Variants in HSP90AB1 observed in about 807,000 individuals in gnomAD.
The protein encoded by HSP90AB1 is heat shock protein HSP 90-beta.
A neutral mutation model predicts 67.8 loss-of-function variants in HSP90AB1; 17 were observed. That is an observed-to-expected ratio of 0.25 (90% CI 0.17 to 0.38). The LOEUF is 0.38. Among genes scored for constraint, HSP90AB1 ranks in the 10% least tolerant of loss-of-function variants. HSP90AB1 has a pLI of 1.00. For missense variants in HSP90AB1, 690 were observed against 899.9 expected (o/e 0.77, Z 2.98); for synonymous variants, 390 against 312.9 (o/e 1.25, Z -2.60).
chr6:44,252,379 C>G, intron 10 of HSP90AB1, 112 bp downstream of exon 10: 1 of 948,752 alleles, frequency 1.1e-6, no homozygotes, highest in Non-Finnish European at 1.6e-6. Flanking sequence ...CTGTTTCATG[C>G]CTTCTTGCCT....
In HSP90AB1 at chr6:44,249,770, C is replaced by T. The variant is rs560978430; in HGVS notation, c.450C>T (p.Asn150=). Residue 150 remains asparagine, a synonymous_variant, in exon 4 of 12, where the codon AAC becomes AAT. Coordinates refer to ENST00000371646, the MANE Select transcript of HSP90AB1 (RefSeq NM_007355.4). ...AAGTGGTTGTGATCACAAAGCACAA[C>T]GATGATGAACAGTATGCTTGGGAGT... ...AEKVVVITKH[N]DDEQYAWESS... is the part of the protein sequence containing the mutation. 1.9e-6 allele frequency: 3 copies of T among 1,613,922 alleles called. No individual in the cohort carries two copies. The highest frequency in any genetic ancestry group is 2.2e-5 in the South Asian group (2 of 91,076).
intron 2 of HSP90AB1, among the ~76,000 whole-genome samples, chr6:44,249,054 G>A (rs972169420): frequency 6.6e-6 from 1 of 152,152 alleles, no homozygotes; most frequent in Non-Finnish European, 1.5e-5. Context: ...TTGAAGATAC[G>A]GGCTTTAAGA....
chr6:44,248,584 A>G (rs1328869061), intron 1 of HSP90AB1, 46 bp from the exon 2 acceptor site: 2 of 1,571,816 alleles, frequency 1.3e-6, no homozygotes, highest in Non-Finnish European at 1.7e-6. Context: ...ATTTTTAAAC[A>G]TGGGGCCTTA....
In HSP90AB1 at chr6:44,253,824, TTTC is replaced by T; in HGVS notation, c.*230_*232del. The T allele has an allele frequency of 1.3e-6, 1 of 755,646 alleles. No individual in the cohort carries two copies. Among genetic ancestry groups the T allele is most frequent in the Non-Finnish European group, 2.5e-6 (1 of 403,312 alleles). The allele number at this position is 755,646 out of a possible 1,614,324, so 46.8% of individuals were successfully genotyped here. A position where few individuals can be genotyped will look rare whatever the true frequency, so the allele number is the denominator to read the frequency against. On this transcript the variant is annotated 3_prime_UTR_variant, in exon 12 of 12. Coordinates refer to ENST00000371646, the MANE Select transcript of HSP90AB1 (RefSeq NM_007355.4). ...TGTTGTGTATTGTGGTTTATTTTAT[TTTC>T]TTCATTTTGTTCTGAAATTAAAGTA...
chr6:44,249,843 G>A lies in HSP90AB1; in HGVS notation c.514+9G>A, dbSNP rs766284895. The A allele has an allele frequency of 1.2e-6, 2 of 1,601,472 alleles. No homozygotes were observed. Among genetic ancestry groups the A allele is most frequent in the African/African-American group, 2.7e-5 (2 of 74,332 alleles). On this transcript the variant is annotated intron_variant, in intron 4 of 11. Coordinates refer to ENST00000371646, the MANE Select transcript of HSP90AB1 (RefSeq NM_007355.4). ...TGTGCGTGCTGACCATGGTAAGTTAGCTTTTCTGTTACAAGGTAGTTGGGT... is the reference window on the plus strand; with the variant it reads ...TGTGCGTGCTGACCATGGTAAGTTAACTTTTCTGTTACAAGGTAGTTGGGT...
At chr6:44,249,273 A>G (rs866248298) in intron 2 of HSP90AB1, 104 bp from the exon 3 acceptor site, 1 of 922,358 alleles carries the variant, frequency 1.1e-6, no homozygotes. Flanking sequence ...TGGGAGGTCA[A>G]GGCTGCAGTG....
chr6:44,250,947 C>G, intron 6 of HSP90AB1, 101 bp from the exon 7 acceptor site: 1 of 1,057,438 alleles, frequency 9.5e-7, no homozygotes, highest in Non-Finnish European at 1.5e-6. Flanking sequence ...TGCTCTATCC[C>G]TTAGGCTTAG....
intron 8 of HSP90AB1, 34 bp from the exon 9 acceptor site, chr6:44,251,703 A>C (rs765009851): frequency 1.2e-5 from 19 of 1,605,402 alleles, no homozygotes; most frequent in Non-Finnish European, 1.4e-5. Flanking sequence ...ATTGTAGTTA[A>C]GCTGGATTGT....
intron 10 of HSP90AB1, among the ~76,000 whole-genome samples, chr6:44,252,530 C>T (rs998336695): frequency 1.3e-5 from 2 of 152,062 alleles, no homozygotes; most frequent in African/African-American, 4.8e-5. Flanking sequence ...GGGTCTCGCT[C>T]TGTCACCCAG....
intron 10 of HSP90AB1, 39 bp from the exon 11 acceptor site, chr6:44,253,006 G>T (rs1780925466): frequency 5.2e-6 from 8 of 1,533,502 alleles, no homozygotes; most frequent in Non-Finnish European, 7.2e-6. Context: ...CTCTTTCAAA[G>T]TGGTAATGTC....
chr6:44,246,738 T>C (rs535966987), upstream of HSP90AB1, among the ~76,000 whole-genome samples: 106 of 152,266 alleles, frequency 7.0e-4, no homozygotes, highest in Middle Eastern at 0.01. Context: ...TCTTTTTCGG[T>C]GTCCCCCCCA....
At chr6:44,249,622 C>T (rs370884816) in intron 3 of HSP90AB1, 39 bp downstream of exon 3, 13 of 1,610,816 alleles carry the variant, frequency 8.1e-6, no homozygotes, top group Non-Finnish European at 8.5e-6. Context: ...TATCTGTGTT[C>T]TTTGGTTTTT....
Position 44,253,239 on chromosome 6 carries a change from T to C in HSP90AB1, c.1926T>C (p.Ala642=), listed in dbSNP as rs11538966. The change falls in exon 11 of 12, where the codon GCT becomes GCC. Residue 642 remains alanine, a synonymous_variant. Transcript: ENST00000371646. ...TTGTGGAGACGCTGCGGCAGAAGGC[T>C]GAGGCCGACAAGAATGATAAGGCAG... The part of the protein sequence containing the change: ...HPIVETLRQK[A]EADKNDKAVK... The C allele has an allele frequency of 6.2e-6, 10 of 1,614,110 alleles. No individual in the cohort carries two copies. In the Admixed American group the frequency reaches 1.7e-4, roughly 27 times the overall value.
rs763616071 is a variant in HSP90AB1, at chr6:44,252,174, TGAG to T, written c.1645_1647del (p.Glu549del). 4.3e-6 allele frequency: 7 copies of T among 1,614,016 alleles called. No homozygotes were observed. The highest frequency in any genetic ancestry group is 5.9e-6 in the Non-Finnish European group (7 of 1,179,988). On this transcript the variant is annotated inframe_deletion, in exon 10 of 12. Transcript: ENST00000371646. ...AGGAGGGTCTGGAGCTGCCTGAGGA[TGAG>T]GAGGAGAAGAAGAAGATGGAAGAGA...
At chr6:44,247,871 C>A (rs1356833313) in intron 1 of HSP90AB1, 2 of 152,228 alleles carry the variant, frequency 1.3e-5, no homozygotes, top group African/African-American at 4.8e-5. Flanking sequence ...CCCCAGTGCC[C>A]GGATGCTGGG....
At chr6:44,251,634 C>T (rs749592718) in intron 8 of HSP90AB1, 26 bp downstream of exon 8, 19 of 1,588,470 alleles carry the variant, frequency 1.2e-5, no homozygotes, top group South Asian at 1.1e-4. Context: ...ATGCTTATTC[C>T]CTTTACCACT....
In HSP90AB1 at chr6:44,248,293, C is replaced by T. The variant is rs553108986; in HGVS notation, c.1-337C>T. 2.2e-4 allele frequency among the ~76,000 whole-genome samples: 34 copies of T among 152,324 alleles called. 1 individual carries two copies. The highest frequency in any genetic ancestry group is 2.2e-3 in the Admixed American group (34 of 15,310). On this transcript the variant is annotated intron_variant, in intron 1 of 11. Transcript: ENST00000371646. The stretch of plus-strand genomic sequence containing the variant: ...TTTGTGTAAGGATTACTTGGGATCT[C>T]TAGATACCTGGGTTGGACCAACATT...
chr6:44,253,098 C>T lies in HSP90AB1; in HGVS notation c.1785C>T (p.Thr595=). The change falls in exon 11 of 12, where the codon ACC becomes ACT. Residue 595 remains threonine, a synonymous_variant. Coordinates refer to ENST00000371646, the MANE Select transcript of HSP90AB1 (RefSeq NM_007355.4). ...CACCTTGCTGCATTGTGACCAGCAC[C>T]TACGGCTGGACAGCCAATATGGAGC... ...VSSPCCIVTS[T]YGWTANMERI... is the part of the protein sequence containing the mutation. 2 of 1,614,080 alleles carry T rather than the reference C, an allele frequency of 1.2e-6. No individual in the cohort carries two copies. Among genetic ancestry groups the T allele is most frequent in the Non-Finnish European group, 1.7e-6 (2 of 1,179,952 alleles).
rs1561903016 is a variant in HSP90AB1, at chr6:44,253,551, C to A, written c.2128C>A (p.Pro710Thr). ...PNAAVPDEIP[P>T]LEGDEDASRM... ...TGCTGCAGTTCCTGATGAGATCCCC[C>A]CTCTCGAGGGCGATGAGGATGCGTC... Residue 710 changes from proline to threonine, a missense_variant, in exon 12 of 12, where the codon CCT becomes ACT. Transcript: ENST00000371646. 2 of 1,614,170 alleles carry A rather than the reference C, an allele frequency of 1.2e-6. No individual in the cohort carries two copies. Among genetic ancestry groups the A allele is most frequent in the Non-Finnish European group, 8.5e-7 (1 of 1,180,008 alleles).
Sources: gnomAD v4.1 joint callset for allele counts (sites outside exome capture counted in the v4.1 genomes callset) on GRCh38, gnomAD v4.1.1 for gene constraint, MANE v1.5 for transcripts, NCBI Gene and HGNC (gene_info 2026-07-23, HGNC 2026-07-21) for gene names.